The following MAP3K9 variants were observed in gnomAD, a reference collection of about 807,000 sequenced individuals.
MAP3K9 encodes mixed lineage kinase 1 (tyr and ser/thr specificity).
In MAP3K9, 46 loss-of-function variants were observed where a neutral mutation model predicts 95.8. The ratio of observed to expected loss-of-function variants is 0.48; its 90% CI spans 0.38 to 0.61. The LOEUF (loss-of-function observed/expected upper bound fraction) is 0.61, where lower values mean the gene tolerates loss of function less well. Ranked by LOEUF, MAP3K9 falls within the 20% of genes least tolerant of loss-of-function variation. MAP3K9 has a pLI of 0.00. For missense variants in MAP3K9, 1,296 were observed against 1,474.3 expected (o/e 0.88, Z 1.98); for synonymous variants, 533 against 593.8 (o/e 0.90, Z 1.49).
chr14:70,789,457 G>A (rs1214046158), intron 2 of MAP3K9, among the ~76,000 whole-genome samples: 1 of 152,200 alleles, frequency 6.6e-6, no homozygotes, highest in Non-Finnish European at 1.5e-5. Context: ...AAAGCACAGT[G>A]CCATTTACTG....
intron 6 of MAP3K9, among the ~76,000 whole-genome samples, chr14:70,742,123 G>A (rs1758595410): frequency 6.6e-6 from 1 of 152,150 alleles, no homozygotes; most frequent in Non-Finnish European, 1.5e-5. Flanking sequence ...TTGCCGGGTT[G>A]TCCTCACTTC....
chr14:70,730,648 C>A lies in MAP3K9; in HGVS notation c.3047G>T (p.Arg1016Leu). The A allele has an allele frequency of 6.2e-7, 1 of 1,613,760 alleles. No individual in the cohort carries two copies. The highest frequency in any genetic ancestry group is 1.1e-5 in the South Asian group (1 of 91,072). ...PWWFVSPSHARSTSPANSSST... is the reference protein window; with the variant it reads ...PWWFVSPSHALSTSPANSSST... ...GGAGCTGTTGGCTGGGGAGGTGCTG[C>A]GGGCATGGCTGGGGGACACAAACCA... The change falls in exon 12 of 12, where the codon CGC (arginine) becomes CTC (leucine). Residue 1016 changes from arginine (R) to leucine (L), a missense_variant. Coordinates refer to ENST00000554752, the MANE Select transcript of MAP3K9 (RefSeq NM_001284230.2).
intron 6 of MAP3K9, 34 bp downstream of exon 6, chr14:70,742,317 G>A (rs201610877): frequency 7.7e-4 from 1,238 of 1,604,352 alleles, no homozygotes; most frequent in Non-Finnish European, 9.1e-4. Context: ...TCTTTGCCCT[G>A]CTCCCACTTC....
rs28565456 is a variant in MAP3K9, at chr14:70,784,140, G to C, written c.820+16527C>G. On this transcript the variant is annotated intron_variant, in intron 2 of 11. Coordinates refer to ENST00000554752, the MANE Select transcript of MAP3K9 (RefSeq NM_001284230.2). ...CTCTACTAAAAATACAAAACTAGCT[G>C]GGCATGGTGGTGCATGCCTGTAATC... Among the ~76,000 whole-genome samples the C allele has an allele frequency of 6.5e-3, 988 of 152,014 alleles. 9 individuals are homozygous for C. Among genetic ancestry groups the C allele is most frequent in the African/African-American group, 0.022 (932 of 41,472 alleles).
rs750173054 is a variant in MAP3K9, at chr14:70,749,927, A to C, written c.1150+6T>G. ...TCCAGTTTGGTTCAGGCCAGGGCTT[A>C]CTTACCTTCCATGAGTTTGGCAAAA... is the stretch of plus-strand genomic sequence containing the variant. On this transcript the variant is annotated splice_donor_region_variant and intron_variant, in intron 4 of 11. Coordinates refer to ENST00000554752, the MANE Select transcript of MAP3K9 (RefSeq NM_001284230.2). 9.9e-6 allele frequency: 16 copies of C among 1,614,222 alleles called. No homozygotes were observed. Among genetic ancestry groups the C allele is most frequent in the African/African-American group, 1.3e-5 (1 of 75,068 alleles).
intron 8 of MAP3K9, among the ~76,000 whole-genome samples, chr14:70,737,671 C>T (rs2054003735): frequency 6.6e-6 from 1 of 152,216 alleles, no homozygotes. Flanking sequence ...ATTCTGCCTG[C>T]CCCTGCTTCA....
chr14:70,751,880 T>A (rs2054233260), intron 3 of MAP3K9, among the ~76,000 whole-genome samples: 1 of 152,152 alleles, frequency 6.6e-6, no homozygotes, highest in Non-Finnish European at 1.5e-5. Context: ...TTAGACATGT[T>A]TAGGAGCATA....
At chr14:70,780,387 G>C (rs1185855058) in intron 2 of MAP3K9, among the ~76,000 whole-genome samples, 1 of 152,068 alleles carries the variant, frequency 6.6e-6, no homozygotes, top group Non-Finnish European at 1.5e-5. Flanking sequence ...CTTTCTATGG[G>C]AACTTCACTT....
At chr14:70,782,717 C>T (rs551640174) in intron 2 of MAP3K9, among the ~76,000 whole-genome samples, 2 of 152,198 alleles carry the variant, frequency 1.3e-5, no homozygotes, top group African/African-American at 4.8e-5. Context: ...GATATGGATG[C>T]TTTTCTAATT....
intron 1 of MAP3K9, 34 bp downstream of exon 1, chr14:70,808,732 T>TCCCCCCCCCCCCCCCGCCC: frequency 7.4e-7 from 1 of 1,354,240 alleles, no homozygotes; most frequent in South Asian, 1.5e-5. Flanking sequence ...CCTCCGTCAT[T>TCCCCCCCCCCCCCCCGCCC]CCCCCTCCCC....
In MAP3K9 at chr14:70,732,785, T is replaced by A; in HGVS notation, c.2584A>T (p.Met862Leu). The change falls in exon 11 of 12, where the codon ATG (methionine) becomes TTG (leucine). Residue 862 changes from methionine (M) to leucine (L), a missense_variant. Physicochemically the swap from Met to Leu is conservative, Grantham distance 15. Transcript: ENST00000554752. ...GGGGCCTCGACTGGGCTGACTGGCA[T>A]CTCATACACGACAATTTCATCGCTG... ...SDSDEIVVYE[M>L]PVSPVEAPPL... 2 of 1,613,624 alleles carry A rather than the reference T, an allele frequency of 1.2e-6. No homozygotes were observed. The highest frequency in any genetic ancestry group is 1.7e-6 in the Non-Finnish European group (2 of 1,179,722).
chr14:70,809,260 G>GC lies in MAP3K9; in HGVS notation c.-90_-89insG, dbSNP rs2055039344. On this transcript the variant is annotated 5_prime_UTR_variant, in exon 1 of 12. Coordinates refer to ENST00000554752, the MANE Select transcript of MAP3K9 (RefSeq NM_001284230.2). ...TCATGCGCCTCCGCAGAGCTGGGAG[G>GC]ACCCCCCCCCAACGACGGCGGCCGC... The GC allele has an allele frequency of 1.6e-6, 2 of 1,248,100 alleles. No individual in the cohort carries two copies. Among genetic ancestry groups the GC allele is most frequent in the Middle Eastern group, 3.0e-4 (1 of 3,304 alleles). The allele number at this position is 1,248,100 out of a possible 1,614,324, so 77.3% of individuals were successfully genotyped here. A position where few individuals can be genotyped will look rare whatever the true frequency, so the allele number is the denominator to read the frequency against.
At chr14:70,765,820 C>T (rs1323277070) in intron 2 of MAP3K9, among the ~76,000 whole-genome samples, 3 of 148,944 alleles carry the variant, frequency 2.0e-5, no homozygotes, top group African/African-American at 7.4e-5. Context: ...GCTTGGGCTA[C>T]ACCATATAGC....
Position 70,730,209 on chromosome 14 carries a change from A to G in MAP3K9, c.*171T>C. The G allele has an allele frequency of 5.3e-6, 5 of 951,566 alleles. No individual in the cohort carries two copies. Among genetic ancestry groups the G allele is most frequent in the Non-Finnish European group, 7.6e-6 (5 of 657,888 alleles). 58.9% of individuals were successfully genotyped at this position (951,566 alleles called of 1,614,324 possible). On this transcript the variant is annotated 3_prime_UTR_variant, in exon 12 of 12. Transcript: ENST00000554752. The stretch of plus-strand genomic sequence containing the variant: ...CACGGGTAGAAAGGCCCTGCAGGGC[A>G]GGAGACCCTCTGAAGTGGCCCTGTT...
chr14:70,750,299 A>G (rs997148261), intron 3 of MAP3K9, among the ~76,000 whole-genome samples: 9 of 152,232 alleles, frequency 5.9e-5, no homozygotes, highest in African/African-American at 1.4e-4. Context: ...GTTTTCTCCC[A>G]TAATTCCTTA....
intron 5 of MAP3K9, 87 bp from the exon 6 acceptor site, chr14:70,742,678 G>A: frequency 6.8e-7 from 1 of 1,479,768 alleles, no homozygotes; most frequent in Non-Finnish European, 9.1e-7. Context: ...CTCCCAGAGG[G>A]CTTATGGTGA....
At chr14:70,784,749 G>C (rs17766551) in intron 2 of MAP3K9, among the ~76,000 whole-genome samples, 25,782 of 152,184 alleles carry the variant, frequency 0.17, 2,970 homozygotes, top group South Asian at 0.38. Context: ...GCTACAGAAG[G>C]ATGGCTGAGG....
intron 8 of MAP3K9, among the ~76,000 whole-genome samples, chr14:70,736,839 C>G (rs914331895): frequency 6.6e-6 from 1 of 152,156 alleles, no homozygotes; most frequent in African/African-American, 2.4e-5. Context: ...CCCTACATAT[C>G]TAAACTTTCT....
chr14:70,731,739 C>T (rs896000618), intron 11 of MAP3K9, among the ~76,000 whole-genome samples: 4 of 152,182 alleles, frequency 2.6e-5, no homozygotes, highest in African/African-American at 9.7e-5. Context: ...GGTCACATAT[C>T]TGAGTATAAC....
Sources: allele counts gnomAD v4.1 joint callset (sites outside exome capture counted in the v4.1 genomes callset), GRCh38; gene constraint gnomAD v4.1.1; transcripts MANE v1.5; gene names NCBI Gene and HGNC (gene_info 2026-07-23, HGNC 2026-07-21).